The following SYT1 variants were observed in gnomAD, a reference collection of about 807,000 sequenced individuals.
SYT1 encodes the protein synaptotagmin 1, also known as synaptotagmin-1.
SYT1 carries 8 observed loss-of-function variants against 44.8 expected under a neutral mutation model. That is an observed-to-expected ratio of 0.18 (90% CI 0.10 to 0.32). SYT1 has a LOEUF of 0.32. Among genes scored for constraint, SYT1 ranks in the 10% least tolerant of loss-of-function variants. The pLI, the probability that SYT1 is intolerant of heterozygous loss-of-function variation, is 1.00. For missense variants in SYT1, 286 were observed against 509.3 expected, an observed-to-expected ratio of 0.56 and a Z score of 4.22; for synonymous variants, 154 against 188.8, an observed-to-expected ratio of 0.82 and a Z score of 1.51.
At chr12:78,970,837 T>C (rs1450453308) in intron 1 of SYT1, among the ~76,000 whole-genome samples, 1 of 152,194 alleles carries the variant, frequency 6.6e-6, no homozygotes, top group African/African-American at 2.4e-5. Context: ...CCAATCCTCA[T>C]AACAGCAATG....
chr12:79,350,813 T>C (rs760946882), intron 8 of SYT1, among the ~76,000 whole-genome samples: 5 of 152,200 alleles, frequency 3.3e-5, no homozygotes, highest in Non-Finnish European at 7.3e-5. Flanking sequence ...TTAGTATAAA[T>C]TGGATATTTT....
At chr12:79,292,403 T>G (rs146069308) in intron 6 of SYT1, among the ~76,000 whole-genome samples, 13 of 152,356 alleles carry the variant, frequency 8.5e-5, no homozygotes, top group African/African-American at 3.1e-4. Context: ...GCAGTCGGTC[T>G]GCTTCTGAGA....
intron 9 of SYT1, among the ~76,000 whole-genome samples, chr12:79,421,139 T>C (rs1238050156): frequency 2.6e-5 from 4 of 152,162 alleles, no homozygotes; most frequent in Admixed American, 2.6e-4. Flanking sequence ...CTGAACTGGA[T>C]TTTAAGATCG....
At chr12:79,179,386 C>CTATATAGATATATCCATATA (rs1565842032) in intron 3 of SYT1, among the ~76,000 whole-genome samples, 3 of 59,372 alleles carry the variant, frequency 5.1e-5, no homozygotes, top group African/African-American at 1.6e-4. Context: ...ATAGATATAT[C>CTATATAGATATATCCATATA]GATATAGATA....
chr12:79,300,964 A>G (rs1047022701), intron 8 of SYT1, among the ~76,000 whole-genome samples: 4 of 151,650 alleles, frequency 2.6e-5, no homozygotes, highest in East Asian at 1.9e-4. Flanking sequence ...GTTCTTTCCT[A>G]TAAGTGAACT....
chr12:79,026,699 A>ATATC (rs1555190361), intron 2 of SYT1, among the ~76,000 whole-genome samples: 48 of 130,642 alleles, frequency 3.7e-4, no homozygotes, highest in African/African-American at 1.3e-3. Context: ...ATATATATAT[A>ATATC]TATCACACTT....
chr12:79,072,451 G>A (rs1369180088), intron 3 of SYT1, among the ~76,000 whole-genome samples: 5 of 151,946 alleles, frequency 3.3e-5, no homozygotes, highest in South Asian at 2.1e-4. Flanking sequence ...GCATAAATAC[G>A]TACATAAGAT....
At chr12:78,955,306 A>C (rs1879150231) in intron 1 of SYT1, among the ~76,000 whole-genome samples, 1 of 152,168 alleles carries the variant, frequency 6.6e-6, no homozygotes, top group Non-Finnish European at 1.5e-5. Context: ...TTTTGTCCAT[A>C]GATCTTGAAT....
intron 3 of SYT1, among the ~76,000 whole-genome samples, chr12:79,056,887 A>T (rs1021941874): frequency 6.6e-6 from 1 of 151,950 alleles, no homozygotes; most frequent in Non-Finnish European, 1.5e-5. Flanking sequence ...TTATCTTCAA[A>T]TGAAAATTTT....
At chr12:79,263,371 C>G (rs10778564) in intron 4 of SYT1, among the ~76,000 whole-genome samples, 43,972 of 151,200 alleles carry the variant, frequency 0.29, 6,906 homozygotes, top group East Asian at 0.59. Flanking sequence ...ATAATAATTT[C>G]ATCCTTAGTG....
intron 2 of SYT1, among the ~76,000 whole-genome samples, chr12:79,004,995 G>C (rs1039896244): frequency 1.3e-5 from 2 of 151,968 alleles, no homozygotes; most frequent in Non-Finnish European, 2.9e-5. Flanking sequence ...GGGTTTCATA[G>C]AAGGTAACTT....
chr12:79,049,573 A>C (rs1009859709), intron 3 of SYT1, among the ~76,000 whole-genome samples: 1 of 152,040 alleles, frequency 6.6e-6, no homozygotes, highest in Non-Finnish European at 1.5e-5. Context: ...TTGTCAAAAC[A>C]TAAGAGTTCT....
intron 8 of SYT1, among the ~76,000 whole-genome samples, chr12:79,347,455 T>C (rs138488614): frequency 6.8e-4 from 103 of 152,284 alleles, no homozygotes; most frequent in Non-Finnish European, 1.3e-3. Context: ...CCCCATAGAA[T>C]TGACTGAGGT....
chr12:79,095,807 C>T (rs570359077), intron 3 of SYT1, among the ~76,000 whole-genome samples: 1 of 152,030 alleles, frequency 6.6e-6, no homozygotes, highest in East Asian at 1.9e-4. Context: ...GGCAACTTTC[C>T]TCCCTCTTCC....
At chr12:79,288,986 T>A (rs1879445242) in intron 5 of SYT1, among the ~76,000 whole-genome samples, 1 of 152,130 alleles carries the variant, frequency 6.6e-6, no homozygotes, top group Non-Finnish European at 1.5e-5. Flanking sequence ...AGATAAGGTG[T>A]TCTCATTTTA....
chr12:79,059,565 A>G (rs934834886), intron 3 of SYT1, among the ~76,000 whole-genome samples: 1 of 152,174 alleles, frequency 6.6e-6, no homozygotes, highest in East Asian at 1.9e-4. Flanking sequence ...TCAATTTTCA[A>G]TTTTTTTATC....
At chr12:78,885,150 T>G (rs575598378) in intron 1 of SYT1, among the ~76,000 whole-genome samples, 1 of 151,904 alleles carries the variant, frequency 6.6e-6, no homozygotes, top group Admixed American at 6.6e-5. Context: ...GTTCAAAATG[T>G]TTCAGTATTA....
intron 1 of SYT1, among the ~76,000 whole-genome samples, chr12:78,921,748 T>A (rs1397906208): frequency 1.3e-5 from 2 of 151,982 alleles, no homozygotes; most frequent in Non-Finnish European, 1.5e-5. Flanking sequence ...CACATGGCGC[T>A]GCTGAGATAA....
chr12:79,273,110 C>G (rs1878519660), intron 4 of SYT1, among the ~76,000 whole-genome samples: 1 of 142,608 alleles, frequency 7.0e-6, no homozygotes, highest in South Asian at 2.4e-4. Context: ...TGTGTGTTAC[C>G]TTTTTTCTTT....
Sources: gnomAD v4.1 joint callset for allele counts (sites outside exome capture counted in the v4.1 genomes callset) on GRCh38, gnomAD v4.1.1 for gene constraint, MANE v1.5 for transcripts, NCBI Gene and HGNC (gene_info 2026-07-23, HGNC 2026-07-21) for gene names.